GCN1: variants seen among roughly 807,000 people sequenced by gnomAD.
GCN1 encodes the protein stalled ribosome sensor GCN1.
A neutral mutation model predicts 288.4 loss-of-function variants in GCN1; 90 were observed. The ratio of observed to expected loss-of-function variants is 0.31; its 90% CI spans 0.26 to 0.37. The LOEUF is 0.37. Ranked by LOEUF, GCN1 falls within the 10% of genes least tolerant of loss-of-function variation. The pLI is 1.00. For missense variants in GCN1, 2,586 were observed against 3,419.9 expected (o/e 0.76, Z 6.08); for synonymous variants, 1,386 against 1,420.2 (o/e 0.98, Z 0.54).
intron 14 of GCN1, among the ~76,000 whole-genome samples, chr12:120,172,666 T>C (rs1181579168): frequency 6.6e-6 from 1 of 152,138 alleles, no homozygotes; most frequent in Non-Finnish European, 1.5e-5. Context: ...CCTGTCATCA[T>C]GCCTGGCTAA....
chr12:120,165,174 G>A (rs1345560697), intron 16 of GCN1, among the ~76,000 whole-genome samples: 2 of 151,856 alleles, frequency 1.3e-5, no homozygotes, highest in Non-Finnish European at 2.9e-5. Flanking sequence ...GGCCTCTCGA[G>A]TAGCTGGGAC....
At chr12:120,150,550 G>A (rs1877508935) in intron 34 of GCN1, among the ~76,000 whole-genome samples, 1 of 150,064 alleles carries the variant, frequency 6.7e-6, no homozygotes. Context: ...AGCCGAGATT[G>A]TGCCTGGAGA....
In GCN1 at chr12:120,158,455, C is replaced by T; in HGVS notation, c.2905+5G>A. 1 of 1,547,262 alleles carries T rather than the reference C, an allele frequency of 6.5e-7. No individual in the cohort carries two copies. Among genetic ancestry groups the T allele is most frequent in the Non-Finnish European group, 8.7e-7 (1 of 1,144,740 alleles). ...TGGTGCCCCTGATCCCGTCCCAGCC[C>T]TTACCTGGCTCCCCCTTGCCCACCC... On this transcript the variant is annotated splice_donor_5th_base_variant and intron_variant, in intron 25 of 57. Transcript: ENST00000300648. This position sits in a 1 kb window ranked among gnomAD's most constrained non-coding sequence, Gnocchi z 4.3.
At chr12:120,140,707 G>A (rs1198441781) in intron 45 of GCN1, 152 bp downstream of exon 45, 4 of 653,374 alleles carry the variant, frequency 6.1e-6, no homozygotes, top group Non-Finnish European at 1.0e-5. Flanking sequence ...AAGTCCATGT[G>A]GCCCAGCCAG....
rs140386385 is a variant in GCN1, at chr12:120,138,435, C to T, written c.6157-20G>A. 54 of 1,487,088 alleles carry T rather than the reference C, an allele frequency of 3.6e-5. No homozygotes were observed. In the East Asian group the frequency reaches 1.2e-3, roughly 34 times the overall value. 92.1% of individuals were successfully genotyped at this position (1,487,088 alleles called of 1,614,324 possible). A position where few individuals can be genotyped will look rare whatever the true frequency, so the allele number is the denominator to read the frequency against. ...GTCATCCTGCAGAGGGTGTTGGGGA[C>T]AACCCTGAGGAATCTGCATCTCTGC... is the stretch of plus-strand genomic sequence containing the variant. On this transcript the variant is annotated intron_variant, in intron 46 of 57. Coordinates refer to ENST00000300648, the MANE Select transcript of GCN1 (RefSeq NM_006836.2).
At chr12:120,154,060 G>A in intron 31 of GCN1, 151 bp from the exon 32 acceptor site, 1 of 641,174 alleles carries the variant, frequency 1.6e-6, no homozygotes, top group Non-Finnish European at 2.7e-6. Context: ...ACCACCCAGT[G>A]CTCACCCAAT....
chr12:120,149,571 G>A, intron 36 of GCN1, 35 bp downstream of exon 36: 6 of 1,461,418 alleles, frequency 4.1e-6, no homozygotes, highest in South Asian at 2.3e-5. Flanking sequence ...TTCATAACAG[G>A]AAGCTGGGAA....
In GCN1 at chr12:120,134,818, C is replaced by G. The variant is rs567980120; in HGVS notation, c.7009-92G>C. On this transcript the variant is annotated intron_variant, in intron 51 of 57. Coordinates refer to ENST00000300648, the MANE Select transcript of GCN1 (RefSeq NM_006836.2). The surrounding 1 kb of genome is among the most constrained non-coding windows in gnomAD (Gnocchi z 5.0). ...CATGAGAACAAATGACAATCCCAAA[C>G]CACCACAGCGAGTCCAGCTCTCATA... 140 of 1,077,570 alleles carry G rather than the reference C, an allele frequency of 1.3e-4. No individual in the cohort carries two copies. In the African/African-American group the frequency reaches 2.0e-3, roughly 15 times the overall value. 66.8% of individuals were successfully genotyped at this position (1,077,570 alleles called of 1,614,324 possible). A position where few individuals can be genotyped will look rare whatever the true frequency, so the allele number is the denominator to read the frequency against.
Position 120,147,283 on chromosome 12 carries a change from A to G in GCN1, c.4727-11T>C, listed in dbSNP as rs981625432. On this transcript the variant is annotated splice_polypyrimidine_tract_variant and intron_variant, in intron 37 of 57. Coordinates refer to ENST00000300648, the MANE Select transcript of GCN1 (RefSeq NM_006836.2). ...GGACTGGAGCAATGGCTGCACATCC[A>G]AAGAGAAGAGAGCTGGATGATATAC... 1.7e-5 allele frequency: 26 copies of G among 1,529,930 alleles called. No individual in the cohort carries two copies. The highest frequency in any genetic ancestry group is 2.2e-5 in the Non-Finnish European group (24 of 1,113,446). 94.8% of individuals were successfully genotyped at this position (1,529,930 alleles called of 1,614,324 possible).
At chr12:120,146,437 C>T (rs1231230470) in intron 38 of GCN1, among the ~76,000 whole-genome samples, 1 of 152,026 alleles carries the variant, frequency 6.6e-6, no homozygotes, top group Non-Finnish European at 1.5e-5. Flanking sequence ...ATTATCACGG[C>T]TCACTGTATC....
rs1195160836 is a variant in GCN1, at chr12:120,179,574, T to C, written c.427-624A>G. The stretch of plus-strand genomic sequence containing the variant: ...ACCACCATGCCCACCTAATTTTTTG[T>C]ATTTTTAGTAGAGACGGGGTTTCAC... On this transcript the variant is annotated intron_variant, in intron 5 of 57. Transcript: ENST00000300648. 3.3e-5 allele frequency among the ~76,000 whole-genome samples: 5 copies of C among 151,998 alleles called. No homozygotes were observed. The East Asian group carries it at 7.7e-4, about 24-fold the overall frequency.
At chr12:120,131,455 C>T (rs555720565) in intron 54 of GCN1, 122 bp from the exon 55 acceptor site, 45 of 906,912 alleles carry the variant, frequency 5.0e-5, no homozygotes, top group Non-Finnish European at 6.6e-5. Context: ...AGGAAAACTC[C>T]AGGCCACATT....
chr12:120,181,626 G>A (rs1229348243), intron 5 of GCN1, among the ~76,000 whole-genome samples: 2 of 151,622 alleles, frequency 1.3e-5, no homozygotes, highest in African/African-American at 2.4e-5. Context: ...GATCACCTGA[G>A]GTCAGGAGTT....
chr12:120,191,470 C>A (rs747634904), intron 1 of GCN1, among the ~76,000 whole-genome samples: 7 of 152,198 alleles, frequency 4.6e-5, no homozygotes, highest in Non-Finnish European at 7.3e-5. Flanking sequence ...TAGAGCAGGG[C>A]ATGATAAGGC....
At chr12:120,128,438 C>T (rs1024252258) in intron 57 of GCN1, among the ~76,000 whole-genome samples, 2 of 151,914 alleles carry the variant, frequency 1.3e-5, no homozygotes, top group East Asian at 3.9e-4. Context: ...CAGGTTCAAG[C>T]GATTCTCCTG....
chr12:120,172,384 A>G (rs1405960540), intron 14 of GCN1, among the ~76,000 whole-genome samples: 1 of 152,190 alleles, frequency 6.6e-6, no homozygotes, highest in Non-Finnish European at 1.5e-5. Flanking sequence ...CAGTGCAAAA[A>G]TCTCTTATGG....
Position 120,156,659 on chromosome 12 carries a change from G to A in GCN1, c.3169-55C>T. 6.4e-7 allele frequency: 1 copy of A among 1,569,016 alleles called. No individual in the cohort carries two copies. The highest frequency in any genetic ancestry group is 8.8e-7 in the Non-Finnish European group (1 of 1,142,488). ...TCAGCAACTCATTTACTACTAGGGG[G>A]CCAGAGAGGGATATGCACTGAGAAC... On this transcript the variant is annotated intron_variant, in intron 27 of 57. Coordinates refer to ENST00000300648, the MANE Select transcript of GCN1 (RefSeq NM_006836.2). The surrounding 1 kb of genome is among the most constrained non-coding windows in gnomAD (Gnocchi z 5.8).
In GCN1 at chr12:120,162,954, G is replaced by A; in HGVS notation, c.2056C>T (p.Leu686Phe). 6.2e-7 allele frequency: 1 copy of A among 1,614,246 alleles called. No individual in the cohort carries two copies. Among genetic ancestry groups the A allele is most frequent in the Middle Eastern group, 1.7e-4 (1 of 6,060 alleles). The change falls in exon 20 of 58, where the codon CTT (leucine) becomes TTT (phenylalanine). Residue 686 changes from leucine (L) to phenylalanine (F), a missense_variant. Coordinates refer to ENST00000300648, the MANE Select transcript of GCN1 (RefSeq NM_006836.2). Reference protein sequence around the residue: ...HPSLVAVQSGLWPALLARMKI... With the variant: ...HPSLVAVQSGFWPALLARMKI... The stretch of plus-strand genomic sequence containing the variant: ...ATCCTGGCAAGAAGTGCTGGCCAAA[G>A]TCCAGACTGCACGGCAACTGAAGGG...
intron 12 of GCN1, 113 bp downstream of exon 12, chr12:120,175,048 AC>A (rs1878434405): frequency 7.1e-6 from 6 of 847,522 alleles, no homozygotes; most frequent in Non-Finnish European, 1.1e-5. Flanking sequence ...GATCGCTTGA[AC>A]CTGGGAGGCA....
Sources: allele counts gnomAD v4.1 joint callset (sites outside exome capture counted in the v4.1 genomes callset), GRCh38; gene constraint gnomAD v4.1.1; non-coding constraint Gnocchi (gnomAD v3.1); transcripts MANE v1.5; gene names NCBI Gene and HGNC (gene_info 2026-07-23, HGNC 2026-07-21).